The following FER variants were observed in gnomAD, a reference collection of about 807,000 sequenced individuals.
FER encodes tyrosine-protein kinase Fer.
Under a neutral mutation model 111.0 loss-of-function variants are expected in FER, and 63 were observed. The observed-to-expected ratio is 0.57, with a 90% CI of 0.46 to 0.70. The LOEUF is 0.70. Among genes scored for constraint, FER ranks in the 30% least tolerant of loss-of-function variants. The probability of loss-of-function intolerance (pLI) is 0.00; values close to 1 mark genes in which losing one functional copy is unlikely to be tolerated. For missense variants in FER, 914 were observed against 954.0 expected (o/e 0.96, Z 0.55); for synonymous variants, 327 against 313.9 (o/e 1.04, Z -0.44).
At chr5:108,764,794 G>A (rs986035578) in intron 1 of FER, among the ~76,000 whole-genome samples, 3 of 152,114 alleles carry the variant, frequency 2.0e-5, no homozygotes, top group Non-Finnish European at 4.4e-5. Context: ...AAAACTAAGG[G>A]GATATTTATT....
At chr5:109,057,125 T>TA (rs1394258435) in intron 16 of FER, among the ~76,000 whole-genome samples, 1 of 152,212 alleles carries the variant, frequency 6.6e-6, no homozygotes, top group East Asian at 1.9e-4. Flanking sequence ...TTCTTTACTT[T>TA]AGCATATGGG....
At chr5:109,100,322 A>T in intron 16 of FER, 74 bp from the exon 17 acceptor site, 1 of 1,559,514 alleles carries the variant, frequency 6.4e-7, no homozygotes, top group Non-Finnish European at 8.7e-7. Context: ...AAATATTCCT[A>T]ATAGATCCAA....
At chr5:109,082,203 C>T (rs939085717) in intron 16 of FER, among the ~76,000 whole-genome samples, 1 of 151,948 alleles carries the variant, frequency 6.6e-6, no homozygotes, top group African/African-American at 2.4e-5. Context: ...ATAGGACTCC[C>T]TACTCTTGCC....
intron 13 of FER, among the ~76,000 whole-genome samples, chr5:108,973,235 A>G (rs895850011): frequency 6.6e-6 from 1 of 152,188 alleles, no homozygotes; most frequent in Non-Finnish European, 1.5e-5. Context: ...TATCTTTATC[A>G]TATTAATTAA....
At chr5:109,037,176 A>G (rs1275200229) in intron 13 of FER, among the ~76,000 whole-genome samples, 1 of 152,086 alleles carries the variant, frequency 6.6e-6, no homozygotes, top group East Asian at 1.9e-4. Context: ...TTACAGAGAT[A>G]CTATCATTTC....
At chr5:109,104,286 A>G (rs899869802) in intron 17 of FER, among the ~76,000 whole-genome samples, 6 of 152,214 alleles carry the variant, frequency 3.9e-5, no homozygotes, top group Non-Finnish European at 8.8e-5. Flanking sequence ...AGTGTTTCAC[A>G]AATGTGGGCA....
Position 108,789,614 on chromosome 5 carries a change from C to CTTCT in FER, c.-59-8508_-59-8507insCTTT, listed in dbSNP as rs541410589. 4.2e-3 allele frequency among the ~76,000 whole-genome samples: 610 copies of CTTCT among 146,620 alleles called. 6 individuals are homozygous for CTTCT. The highest frequency in any genetic ancestry group is 0.014 in the African/African-American group (566 of 40,152). On this transcript the variant is annotated intron_variant, in intron 2 of 19. Transcript: ENST00000281092. ...CAGGAATTTTCTTTTTCTTCTTCTT[C>CTTCT]TTTTTTTTTTTTAAAAGACAGTGTC...
chr5:108,982,920 A>T (rs1188482414), intron 13 of FER, among the ~76,000 whole-genome samples: 1 of 151,794 alleles, frequency 6.6e-6, no homozygotes, highest in East Asian at 1.9e-4. Context: ...ATTTTACCTC[A>T]TTGGTTCTGT....
chr5:108,991,834 G>C (rs947723162), intron 13 of FER, among the ~76,000 whole-genome samples: 4 of 150,206 alleles, frequency 2.7e-5, no homozygotes, highest in Non-Finnish European at 4.4e-5. Flanking sequence ...CTTTGGCTGA[G>C]TAATTCTATT....
At chr5:109,043,520 T>C (rs567667084) in intron 14 of FER, among the ~76,000 whole-genome samples, 1 of 152,226 alleles carries the variant, frequency 6.6e-6, no homozygotes, top group African/African-American at 2.4e-5. Flanking sequence ...TTTTAATAAT[T>C]TTATTTATTA....
At chr5:108,820,006 A>G in intron 3 of FER, 1 of 985,402 alleles carries the variant, frequency 1.0e-6, no homozygotes, top group Non-Finnish European at 1.2e-6. Flanking sequence ...GGAAATAGAA[A>G]ATAACAGAAC....
chr5:108,876,558 A>G (rs1030951415), intron 8 of FER, among the ~76,000 whole-genome samples: 1 of 152,206 alleles, frequency 6.6e-6, no homozygotes, highest in Admixed American at 6.5e-5. Flanking sequence ...ATAGATTTCA[A>G]ATGTGGCACT....
intron 3 of FER, among the ~76,000 whole-genome samples, chr5:108,812,297 C>T (rs1757844959): frequency 6.6e-6 from 1 of 151,968 alleles, no homozygotes; most frequent in South Asian, 2.1e-4. Flanking sequence ...TTTATTTTCT[C>T]CTCATTAATT....
chr5:108,945,311 G>A (rs1756834048), intron 10 of FER, among the ~76,000 whole-genome samples: 1 of 151,948 alleles, frequency 6.6e-6, no homozygotes, highest in Admixed American at 6.6e-5. Context: ...AACCACACGT[G>A]CTTTGCTCTT....
intron 5 of FER, among the ~76,000 whole-genome samples, chr5:108,852,881 C>G (rs1446048329): frequency 6.6e-6 from 1 of 152,098 alleles, no homozygotes; most frequent in African/African-American, 2.4e-5. Flanking sequence ...CTATAATAAT[C>G]TCATTAAACA....
intron 2 of FER, among the ~76,000 whole-genome samples, chr5:108,783,349 C>A (rs1318288436): frequency 6.6e-6 from 1 of 152,106 alleles, no homozygotes; most frequent in African/African-American, 2.4e-5. Context: ...TCTATTTTTA[C>A]ATTTGTTTTA....
rs1017929793 is a variant in FER, at chr5:108,879,707, T to A, written c.924-3689T>A. Among the ~76,000 whole-genome samples the A allele has an allele frequency of 2.1e-4, 28 of 136,268 alleles. 2 individuals are homozygous for A. The highest frequency in any genetic ancestry group is 7.1e-4 in the African/African-American group (25 of 35,078). 89.4% of individuals were successfully genotyped at this position (136,268 alleles called of 152,430 possible). A position where few individuals can be genotyped will look rare whatever the true frequency, so the allele number is the denominator to read the frequency against. ...TTTTTTTAGATTAAAAAAAAATATA[T>A]ATATATATATATATATATTTGAGGC... On this transcript the variant is annotated intron_variant, in intron 8 of 19. Transcript: ENST00000281092.
chr5:109,085,252 T>C, intron 16 of FER, among the ~76,000 whole-genome samples: 1 of 151,846 alleles, frequency 6.6e-6, no homozygotes, highest in East Asian at 1.9e-4. Context: ...TTAGAGATAT[T>C]TTGTACTTAT....
intron 17 of FER, among the ~76,000 whole-genome samples, chr5:109,136,634 A>AG (rs1160708052): frequency 1.3e-5 from 2 of 152,174 alleles, no homozygotes; most frequent in African/African-American, 4.8e-5. Flanking sequence ...TAGCCTAGTG[A>AG]GGTAATTATC....
Sources: gnomAD v4.1 joint callset for allele counts (sites outside exome capture counted in the v4.1 genomes callset) on GRCh38, gnomAD v4.1.1 for gene constraint, MANE v1.5 for transcripts, NCBI Gene and HGNC (gene_info 2026-07-23, HGNC 2026-07-21) for gene names.